The following TTN variants were observed in gnomAD, a reference collection of about 807,000 sequenced individuals.
TTN encodes the protein connectin.
In TTN, 1,525 loss-of-function variants were observed where a neutral mutation model predicts 3,223.0. That is an observed-to-expected ratio of 0.47 (90% CI 0.45 to 0.49). TTN has a LOEUF of 0.49. Among genes scored for constraint, TTN ranks in the 20% least tolerant of loss-of-function variants. The pLI, the probability that TTN is intolerant of heterozygous loss-of-function variation, is 0.00. For missense variants in TTN, 40,786 were observed against 43,424.0 expected, an observed-to-expected ratio of 0.94 and a Z score of 5.40; for synonymous variants, 14,094 against 15,161.0, an observed-to-expected ratio of 0.93 and a Z score of 5.17.
chr2:178,557,685 A>G lies in TTN; in HGVS notation c.87669T>C (p.His29223=), dbSNP rs72648229. The change falls in exon 328 of 363, where the codon CAT becomes CAC. Residue 29223 remains histidine (H), a synonymous_variant. Coordinates refer to ENST00000589042, the MANE Select transcript of TTN (RefSeq NM_001267550.2). ...KAENRFGISD[H]IDSACVTVKL... Reference sequence around the variant, plus strand: ...TGACAGTCACACAAGCTGAATCTATATGATCACTGATGCCAAAGCGGTTTT... The same window carrying G: ...TGACAGTCACACAAGCTGAATCTATGTGATCACTGATGCCAAAGCGGTTTT... The G allele has an allele frequency of 3.5e-3, 5,586 of 1,613,972 alleles. 180 individuals carry two copies. In the African/African-American group the frequency reaches 0.065, roughly 19 times the overall value.
rs2154175408 is a variant in TTN, at chr2:178,579,362, AG to A, written c.67667del (p.Pro22556LeufsTer19). On this transcript the variant is annotated frameshift_variant, in exon 320 of 363. Transcript: ENST00000589042. LOFTEE classifies it high-confidence loss of function. ...TTTCTTTAGCCAAGTAGCACAAATCAGGTAGACCCTTTAAGTCAAGATCAGG... is the reference window on the plus strand; with the variant it reads ...TTTCTTTAGCCAAGTAGCACAAATCAGTAGACCCTTTAAGTCAAGATCAGG... Reference protein sequence around the residue: ...VAPDLDLKGLPDLCYLAKENS... With the variant: ...VAPDLDLKGLXDLCYLAKENS... The A allele has an allele frequency of 6.3e-7, 1 of 1,589,334 alleles. No individual in the cohort carries two copies. Among genetic ancestry groups the A allele is most frequent in the Non-Finnish European group, 8.5e-7 (1 of 1,169,954 alleles).
chr2:178,719,801 G>A lies in TTN; in HGVS notation c.23691C>T (p.Pro7897=). Residue 7897 remains proline, a synonymous_variant, in exon 82 of 363, where the codon CCC becomes CCT. Transcript: ENST00000589042. ...EPARIIEKPE[P]MTVTTGNPFA... is the part of the protein sequence containing the mutation. Reference sequence around the variant, plus strand: ...AAGGATTTCCAGTAGTGACAGTCATGGGTTCGGGCTTCTCTATGATTCTTG... The same window carrying A: ...AAGGATTTCCAGTAGTGACAGTCATAGGTTCGGGCTTCTCTATGATTCTTG... 2 of 1,612,690 alleles carry A rather than the reference G, an allele frequency of 1.2e-6. No homozygotes were observed. Among genetic ancestry groups the A allele is most frequent in the East Asian group, 2.2e-5 (1 of 44,832 alleles).
Position 178,717,275 on chromosome 2 carries a change from T to C in TTN, c.25459A>G (p.Ile8487Val), listed in dbSNP as rs1368912492. ...TCTCGGTTATCTTTGGCCCAAGTGA[T>C]TTTGATTGGTGCAGTCCCAGTTACA... is the stretch of plus-strand genomic sequence containing the variant. ...CHVTGTAPIKITWAKDNREIR... is the reference protein window; with the variant it reads ...CHVTGTAPIKVTWAKDNREIR... The change falls in exon 88 of 363, where the codon ATC (isoleucine) becomes GTC (valine). Residue 8487 changes from isoleucine to valine, a missense_variant. Transcript: ENST00000589042. 4 of 1,613,684 alleles carry C rather than the reference T, an allele frequency of 2.5e-6. No individual in the cohort carries two copies. Among genetic ancestry groups the C allele is most frequent in the Non-Finnish European group, 3.4e-6 (4 of 1,179,678 alleles).
In TTN at chr2:178,776,536, A is replaced by G. The variant is rs1195561629; in HGVS notation, c.5328T>C (p.Thr1776=). ...VAYSRDSGII[T]CRATNKYGTD... is the part of the protein sequence containing the mutation. ...TTCCATATTTGTTAGTGGCTCTGCA[A>G]GTAATGATACCACTGTCTCTAGAAT... Residue 1776 remains threonine (T), a synonymous_variant, in exon 28 of 363, where the codon ACT becomes ACC. Transcript: ENST00000589042. The G allele has an allele frequency of 6.2e-7, 1 of 1,610,976 alleles. No individual in the cohort carries two copies. Among genetic ancestry groups the G allele is most frequent in the Non-Finnish European group, 8.5e-7 (1 of 1,179,992 alleles).
chr2:178,799,274 A>T (rs1328288564), intron 6 of TTN: 3 of 673,484 alleles, frequency 4.5e-6, no homozygotes, highest in Non-Finnish European at 7.4e-6. Context: ...AGACCCTAGT[A>T]GGCAGACACA....
In TTN at chr2:178,636,337, GCTA is replaced by G. The variant is rs2060434634; in HGVS notation, c.41329+58_41329+60del. ...GTTTTGTAAAACTACAATGCAAGTT[GCTA>G]CTAAGGTTTGTTACATTAAAGTTTA... On this transcript the variant is annotated intron_variant, in intron 225 of 362. Transcript: ENST00000589042. The surrounding 1 kb of genome is among the most constrained non-coding windows in gnomAD (Gnocchi z 4.3). 1 of 1,517,062 alleles carries G rather than the reference GCTA, an allele frequency of 6.6e-7. No homozygotes were observed. Among genetic ancestry groups the G allele is most frequent in the South Asian group, 1.3e-5 (1 of 74,364 alleles). The allele number at this position is 1,517,062 out of a possible 1,614,324, so 94.0% of individuals were successfully genotyped here.
chr2:178,652,584 C>A (rs763687485), intron 201 of TTN, 43 bp from the exon 202 acceptor site: 7 of 1,611,340 alleles, frequency 4.3e-6, no homozygotes, highest in Non-Finnish European at 5.9e-6. Flanking sequence ...GTTATGAAGA[C>A]CATTAGGAAA....
Position 178,794,189 on chromosome 2 carries a change from T to C in TTN, c.1398+210A>G, listed in dbSNP as rs79336115. Among the ~76,000 whole-genome samples, 1,111 of 148,634 alleles carry C rather than the reference T, an allele frequency of 7.5e-3. 4 individuals carry two copies. Among genetic ancestry groups the C allele is most frequent in the Non-Finnish European group, 0.013 (894 of 67,228 alleles). On this transcript the variant is annotated intron_variant, in intron 8 of 362. Transcript: ENST00000589042. ...TAGCCCAGGTATTTCTGGCCTACTC[T>C]GCTCTTGTGATACTCACATTGTCAA... is the stretch of plus-strand genomic sequence containing the variant.
rs1223309593 is a variant in TTN, at chr2:178,695,914, C to G, written c.31158G>C (p.Glu10386Asp). 1 of 1,478,196 alleles carries G rather than the reference C, an allele frequency of 6.8e-7. No homozygotes were observed. Among genetic ancestry groups the G allele is most frequent in the African/African-American group, 1.4e-5 (1 of 70,244 alleles). 91.6% of individuals were successfully genotyped at this position (1,478,196 alleles called of 1,614,324 possible). ...GAATTACTTCCCTTTCTTGGTAAGC[C>G]TCTTCCCACTCTTCCTCCCCTTCGT... Reference protein sequence around the residue: ...GYDEGEEEWEEAYQEREVIQV... With the variant: ...GYDEGEEEWEDAYQEREVIQV... The change falls in exon 114 of 363, where the codon GAG becomes GAC. Residue 10386 changes from glutamate to aspartate, a missense_variant. Physicochemically the swap from Glu to Asp is conservative, Grantham distance 45. Transcript: ENST00000589042.
At chr2:178,717,433 T>A in intron 87 of TTN, 51 bp from the exon 88 acceptor site, 1 of 1,573,612 alleles carries the variant, frequency 6.4e-7, no homozygotes, top group Non-Finnish European at 8.6e-7. Context: ...TGCTCTCACA[T>A]ACAGAGCAGA....
Position 178,794,530 on chromosome 2 carries a change from T to G in TTN, c.1267A>C (p.Ser423Arg), listed in dbSNP as rs775604156. Reference protein sequence around the residue: ...AKEVKQDADKSAAVATVVAAV... With the variant: ...AKEVKQDADKRAAVATVVAAV... ...GCAACAACAGTCGCAACAGCTGCAC[T>G]TTTGTCAGCATCTTGTTTCACCTAG... The change falls in exon 8 of 363, where the codon AGT becomes CGT. Residue 423 changes from serine (S) to arginine (R), a missense_variant. Coordinates refer to ENST00000589042, the MANE Select transcript of TTN (RefSeq NM_001267550.2). 7 of 1,614,228 alleles carry G rather than the reference T, an allele frequency of 4.3e-6. No individual in the cohort carries two copies. The highest frequency in any genetic ancestry group is 4.2e-6 in the Non-Finnish European group (5 of 1,180,024).
At position 178,531,691 on chromosome 2, in the gene TTN, C is replaced by G. The variant is rs1181086213; in HGVS notation, c.104924G>C (p.Trp34975Ser). Residue 34975 changes from tryptophan to serine, a missense_variant, in exon 358 of 363, where the codon TGG (tryptophan) becomes TCG (serine). Physicochemically the swap from Trp to Ser is radical, Grantham distance 177. Coordinates refer to ENST00000589042, the MANE Select transcript of TTN (RefSeq NM_001267550.2). Reference sequence around the variant, plus strand: ...TTGGAGTTCCACACCATTGTGGTACCATTTAACCTCGGCAGTTGGCTTAGA... The same window carrying G: ...TTGGAGTTCCACACCATTGTGGTACGATTTAACCTCGGCAGTTGGCTTAGA... ...VQSKPTAEVK[W>S]YHNGVELQES... 1.2e-6 allele frequency: 2 copies of G among 1,613,960 alleles called. No individual in the cohort carries two copies. Among genetic ancestry groups the G allele is most frequent in the Non-Finnish European group, 1.7e-6 (2 of 1,179,878 alleles).
rs755948095 is a variant in TTN, at chr2:178,577,528, C to T, written c.68825-18G>A. The T allele has an allele frequency of 6.4e-7, 1 of 1,552,952 alleles. No individual in the cohort carries two copies. The highest frequency in any genetic ancestry group is 1.4e-5 in the African/African-American group (1 of 72,548). ...TGGTGCCTCTGCAAAGAAAAAAATACATTTTAATCAGAAAAGGAAGGAGGC... is the reference window on the plus strand; with the variant it reads ...TGGTGCCTCTGCAAAGAAAAAAATATATTTTAATCAGAAAAGGAAGGAGGC... On this transcript the variant is annotated intron_variant, in intron 323 of 362. Coordinates refer to ENST00000589042, the MANE Select transcript of TTN (RefSeq NM_001267550.2).
intron 6 of TTN, among the ~76,000 whole-genome samples, chr2:178,797,059 T>C (rs1267113425): frequency 6.6e-6 from 1 of 152,208 alleles, no homozygotes; most frequent in Non-Finnish European, 1.5e-5. Flanking sequence ...TGGTTATTAA[T>C]GAACTTTCAA....
rs757417158 is a variant in TTN, at chr2:178,533,022, C to T, written c.103593G>A (p.Lys34531=). The change falls in exon 358 of 363, where the codon AAG becomes AAA. Residue 34531 remains lysine, a synonymous_variant. Transcript: ENST00000589042. ...AAGGCATCCGGAGTTTTCTCTCCTC[C>T]TTCTTTTCTTCTATCTCAAGTCTGA... ...GEFRLEIEEK[K]EERKLRMPYD... is the part of the protein sequence containing the mutation. 2 of 1,613,694 alleles carry T rather than the reference C, an allele frequency of 1.2e-6. No individual in the cohort carries two copies. Among genetic ancestry groups the T allele is most frequent in the Non-Finnish European group, 1.7e-6 (2 of 1,179,868 alleles).
In TTN at chr2:178,526,014, A is replaced by G. The variant is rs1686282845; in HGVS notation, c.*998T>C. On this transcript the variant is annotated 3_prime_UTR_variant, in exon 363 of 363. Transcript: ENST00000589042. ...TTTTGAGGTGCAGATAGCTTGCTTT[A>G]TTTTGTTGTTACTATCTCAAGGAGG... 1 of 152,624 alleles carries G rather than the reference A, an allele frequency of 6.6e-6. No individual in the cohort carries two copies. Among genetic ancestry groups the G allele is most frequent in the Admixed American group, 6.5e-5 (1 of 15,278 alleles). The allele number at this position is 152,624 out of a possible 1,614,324, so 9.5% of individuals were successfully genotyped here.
intron 127 of TTN, among the ~76,000 whole-genome samples, chr2:178,687,184 T>A (rs1242374281): frequency 6.6e-6 from 1 of 152,240 alleles, no homozygotes; most frequent in Admixed American, 6.5e-5. Flanking sequence ...TAAATGTACT[T>A]CAATTCTACT....
chr2:178,731,484 AC>A lies in TTN; in HGVS notation c.17281del (p.Val5761Ter), dbSNP rs1392541002. On this transcript the variant is annotated frameshift_variant, in exon 59 of 363. Transcript: ENST00000589042. LOFTEE classifies it high-confidence loss of function. Reference protein sequence around the residue: ...ATLKGSLPITVTWLKDSDEIT... With the variant: ...ATLKGSLPITXTWLKDSDEIT... The stretch of plus-strand genomic sequence containing the variant: ...TTCATCGCTGTCTTTTAGCCAAGTC[AC>A]CGTAATTGGCAAGGAGCCCTTCAGA... 1.2e-6 allele frequency: 2 copies of A among 1,613,600 alleles called. No individual in the cohort carries two copies. Among genetic ancestry groups the A allele is most frequent in the Non-Finnish European group, 1.7e-6 (2 of 1,179,742 alleles).
rs756186781 is a variant in TTN at position 178,740,218 on chromosome 2, C to T, written c.13015G>A (p.Val4339Ile). Residue 4339 changes from valine (V) to isoleucine (I), a missense_variant, in exon 48 of 363, where the codon GTA becomes ATA. Transcript: ENST00000589042. ...TCAGAATGCTCTTCTTTGAGCAGTA[C>T]CTGCTTTTCTTCAAGTGCTAGTGGA... ...RFPLALEEKQ[V>I]LLKEEHSDNV... 1.1e-5 allele frequency: 18 copies of T among 1,613,574 alleles called. No individual in the cohort carries two copies. The highest frequency in any genetic ancestry group is 4.0e-5 in the African/African-American group (3 of 74,914).
Sources: gnomAD v4.1 joint callset for allele counts (sites outside exome capture counted in the v4.1 genomes callset) on GRCh38, gnomAD v4.1.1 for gene constraint, Gnocchi (gnomAD v3.1) non-coding constraint, MANE v1.5 for transcripts, NCBI Gene and HGNC (gene_info 2026-07-23, HGNC 2026-07-21) for gene names.